COL4A2: variants seen among roughly 807,000 people sequenced by gnomAD.
COL4A2 encodes the protein collagen type IV alpha 2 chain.
Under a neutral mutation model 200.2 loss-of-function variants are expected in COL4A2, and 99 were observed. The ratio of observed to expected loss-of-function variants is 0.49; its 90% CI spans 0.42 to 0.58. The LOEUF is 0.58. Among genes scored for constraint, COL4A2 ranks in the 20% least tolerant of loss-of-function variants. COL4A2 has a pLI of 0.00. For missense variants in COL4A2, 1,950 were observed against 2,314.1 expected (o/e 0.84, Z 3.23); for synonymous variants, 897 against 900.6 (o/e 1.00, Z 0.07).
intron 4 of COL4A2, among the ~76,000 whole-genome samples, chr13:110,366,203 T>C (rs1177530178): frequency 6.6e-6 from 1 of 152,222 alleles, no homozygotes; most frequent in Non-Finnish European, 1.5e-5. Flanking sequence ...AATTGCAGGA[T>C]TTCTAAAAAG....
chr13:110,397,429 C>T (rs4586292), intron 4 of COL4A2, among the ~76,000 whole-genome samples: 58,924 of 152,070 alleles, frequency 0.39, 11,684 homozygotes, highest in East Asian at 0.51. Context: ...CGTATGAGCA[C>T]TTTTTAAATG....
chr13:110,471,753 G>C (rs1882477140), intron 28 of COL4A2, among the ~76,000 whole-genome samples: 1 of 152,154 alleles, frequency 6.6e-6, no homozygotes, highest in African/African-American at 2.4e-5. Flanking sequence ...CTGCTCATTG[G>C]ATCTTTTTGG....
At position 110,465,450 on chromosome 13, in the gene COL4A2, A is replaced by G. The variant is rs936420463; in HGVS notation, c.1822A>G (p.Ile608Val). The change falls in exon 25 of 48, where the codon ATA becomes GTA. Residue 608 changes from isoleucine (I) to valine (V), a missense_variant. Physicochemically the swap from Ile to Val is conservative, Grantham distance 29. This residue lies in a region of COL4A2 where 1,385 missense variants were observed against 1,720.5 expected (regional missense o/e 0.80). Coordinates refer to ENST00000360467, the MANE Select transcript of COL4A2 (RefSeq NM_001846.4). ...TCCAGGGGACCCAGGCTATCCAGGAATACCTGGAACGAAGGGTACTCCAGG... is the reference window on the plus strand; with the variant it reads ...TCCAGGGGACCCAGGCTATCCAGGAGTACCTGGAACGAAGGGTACTCCAGG... ...GPPGDPGYPG[I>V]PGTKGTPGEM... 8 of 1,613,748 alleles carry G rather than the reference A, an allele frequency of 5.0e-6. No individual in the cohort carries two copies. In the African/African-American group the frequency reaches 8.0e-5, roughly 16 times the overall value.
At chr13:110,391,745 A>G (rs1338082179) in intron 4 of COL4A2, among the ~76,000 whole-genome samples, 8 of 152,172 alleles carry the variant, frequency 5.3e-5, no homozygotes. Context: ...AATCTTTAGT[A>G]TCTAGTCACA....
At chr13:110,355,294 G>A (rs1484175025) in intron 3 of COL4A2, among the ~76,000 whole-genome samples, 1 of 121,676 alleles carries the variant, frequency 8.2e-6, no homozygotes, top group African/African-American at 6.8e-5. Flanking sequence ...TGTTTGTGTG[G>A]GGAGGGCTGC....
chr13:110,504,263 A>G lies in COL4A2; in HGVS notation c.4401A>G (p.Glu1467=). 1 of 1,612,364 alleles carries G rather than the reference A, an allele frequency of 6.2e-7. No individual in the cohort carries two copies. ...GCCACCAGGGGCCGATTGGCCAAGA[A>G]GGTGAGTGACAGTGGGGAAGGACCT... ...PIGHQGPIGQ[E]GAPGRPGSPG... The change falls in exon 45 of 48, where the codon GAA becomes GAG. Residue 1467 remains glutamate, a splice_region_variant and synonymous_variant. Transcript: ENST00000360467.
chr13:110,473,816 C>A (rs1882574228), intron 29 of COL4A2, among the ~76,000 whole-genome samples: 1 of 152,188 alleles, frequency 6.6e-6, no homozygotes, highest in African/African-American at 2.4e-5. Context: ...TTGCAACCTG[C>A]CATTCAGTGT....
intron 4 of COL4A2, among the ~76,000 whole-genome samples, chr13:110,385,594 T>TGCAGTGTGTGGA (rs1566505172): frequency 1.1e-5 from 1 of 94,450 alleles, no homozygotes; most frequent in Admixed American, 1.0e-4. Flanking sequence ...TAGGCCGTGG[T>TGCAGTGTGTGGA]TACAGTGTGT....
At chr13:110,452,216 C>G (rs1027228102) in intron 20 of COL4A2, among the ~76,000 whole-genome samples, 1 of 152,230 alleles carries the variant, frequency 6.6e-6, no homozygotes, top group Non-Finnish European at 1.5e-5. Flanking sequence ...TCACTGCACG[C>G]TCCGCCTCCC....
intron 4 of COL4A2, among the ~76,000 whole-genome samples, chr13:110,405,721 C>T (rs1879541686): frequency 6.6e-6 from 1 of 152,196 alleles, no homozygotes; most frequent in African/African-American, 2.4e-5. Context: ...CTATTTGAAG[C>T]CACCTCACTT....
chr13:110,469,128 AG>A lies in COL4A2; in HGVS notation c.2096-88del, dbSNP rs1470759582. 6.3e-5 allele frequency: 90 copies of A among 1,425,502 alleles called. No individual in the cohort carries two copies. The Admixed American group carries it at 1.8e-3, about 29-fold the overall frequency. The allele number at this position is 1,425,502 out of a possible 1,614,324, so 88.3% of individuals were successfully genotyped here. A position where few individuals can be genotyped will look rare whatever the true frequency, so the allele number is the denominator to read the frequency against. On this transcript the variant is annotated intron_variant, in intron 27 of 47. Transcript: ENST00000360467. ...AGCCTCATCATTTCCCGGTTTCATG[AG>A]ATCCACATTAAGTCAGATGCCAAGC... is the stretch of plus-strand genomic sequence containing the variant.
At chr13:110,504,127 C>G (rs757421006) in intron 44 of COL4A2, 21 bp from the exon 45 acceptor site, 2 of 1,609,970 alleles carry the variant, frequency 1.2e-6, no homozygotes, top group Admixed American at 3.3e-5. Context: ...CCAGCCATAA[C>G]GCTTCTTTGG....
intron 39 of COL4A2, among the ~76,000 whole-genome samples, chr13:110,493,819 T>TG (rs34497985): frequency 0.56 from 84,518 of 151,466 alleles, 24,437 homozygotes; most frequent in East Asian, 0.76. Flanking sequence ...GGTCGGGTTC[T>TG]GGGGGGGGCC....
rs773124255 is a variant in COL4A2 at position 110,449,764 on chromosome 13, C to G, written c.1164C>G (p.Pro388=). The G allele has an allele frequency of 4.2e-5, 65 of 1,548,608 alleles. No individual in the cohort carries two copies. In the South Asian group the frequency reaches 7.2e-4, roughly 17 times the overall value. ...CAGGAGACCCGGGCCTCCCAGGTCC[C>G]CCTGGCCTCTCCATCGGAGATGGAG... ...GEPGDPGLPG[P]PGLSIGDGDQ... Residue 388 remains proline (P), a synonymous_variant, in exon 19 of 48, where the codon CCC becomes CCG. Coordinates refer to ENST00000360467, the MANE Select transcript of COL4A2 (RefSeq NM_001846.4).
At chr13:110,370,810 T>A (rs1167158001) in intron 4 of COL4A2, among the ~76,000 whole-genome samples, 3 of 152,244 alleles carry the variant, frequency 2.0e-5, no homozygotes, top group Non-Finnish European at 4.4e-5. Flanking sequence ...TCCATGAAGA[T>A]GGCTATTGAC....
chr13:110,474,662 A>G (rs1385793602), intron 29 of COL4A2, among the ~76,000 whole-genome samples: 1 of 148,292 alleles, frequency 6.7e-6, no homozygotes, highest in Non-Finnish European at 1.5e-5. Context: ...ATGCTCACAC[A>G]TGATCACACT....
At chr13:110,493,679 T>C (rs9515237) in intron 39 of COL4A2, among the ~76,000 whole-genome samples, 85,069 of 152,046 alleles carry the variant, frequency 0.56, 24,257 homozygotes, top group South Asian at 0.66. Context: ...AGCCAGCGGT[T>C]TCCACCTGCC....
chr13:110,466,136 T>G (rs940352802), intron 26 of COL4A2, 74 bp downstream of exon 26: 6 of 1,521,024 alleles, frequency 3.9e-6, no homozygotes, highest in Non-Finnish European at 4.5e-6. Context: ...GCTCTTGCAG[T>G]ATGCGTGGGA....
rs9515219 is a variant in COL4A2, at chr13:110,457,613, T to C, written c.1432+178T>C. On this transcript the variant is annotated intron_variant, in intron 21 of 47. Transcript: ENST00000360467. The stretch of plus-strand genomic sequence containing the variant: ...CTGAGAGGGAGGCGCATGGAGCCAG[T>C]GGTGCTGTCTGAGCACTCGGCCCCC... 381,816 of 694,586 alleles carry C rather than the reference T, an allele frequency of 0.55. 109,880 individuals carry two copies. Among genetic ancestry groups the C allele is most frequent in the Middle Eastern group, 0.69 (2,953 of 4,270 alleles). The allele number at this position is 694,586 out of a possible 1,614,324, so 43.0% of individuals were successfully genotyped here.
Sources: allele counts gnomAD v4.1 joint callset (sites outside exome capture counted in the v4.1 genomes callset), GRCh38; gene constraint gnomAD v4.1.1; regional missense constraint gnomAD v4.1.1; transcripts MANE v1.5; gene names NCBI Gene and HGNC (gene_info 2026-07-23, HGNC 2026-07-21).